The following ITGAE variants were observed in gnomAD, a reference collection of about 807,000 sequenced individuals.
The protein encoded by ITGAE is integrin alpha-E.
In ITGAE, 99 loss-of-function variants were observed where a neutral mutation model predicts 136.5. The ratio of observed to expected loss-of-function variants is 0.73; its 90% CI spans 0.62 to 0.86. The LOEUF is 0.86. Among genes scored for constraint, ITGAE ranks in the 40% least tolerant of loss-of-function variants. The probability of loss-of-function intolerance (pLI) is 0.00; values close to 1 mark genes in which losing one functional copy is unlikely to be tolerated. For missense variants in ITGAE, 1,447 were observed against 1,515.3 expected, an observed-to-expected ratio of 0.95 and a Z score of 0.75; for synonymous variants, 613 against 591.8, an observed-to-expected ratio of 1.04 and a Z score of -0.52.
chr17:3,799,462 A>G lies in ITGAE; in HGVS notation c.34+1649T>C, dbSNP rs1023505282. ...ACCTGCTGGAAAAGGCACTGAGGTGATGGGTGGTGGTCTCAGAGGCTAAAG... is the reference window on the plus strand; with the variant it reads ...ACCTGCTGGAAAAGGCACTGAGGTGGTGGGTGGTGGTCTCAGAGGCTAAAG... On this transcript the variant is annotated intron_variant, in intron 1 of 30. Transcript: ENST00000263087. This position sits in a 1 kb window ranked among gnomAD's most constrained non-coding sequence, Gnocchi z 4.1. Among the ~76,000 whole-genome samples, 13 of 152,118 alleles carry G rather than the reference A, an allele frequency of 8.5e-5. No homozygotes were observed. The highest frequency in any genetic ancestry group is 2.9e-4 in the African/African-American group (12 of 41,422).
In ITGAE at chr17:3,796,192, T is replaced by G. The variant is rs541410419; in HGVS notation, c.34+4919A>C. On this transcript the variant is annotated intron_variant, in intron 1 of 30. Coordinates refer to ENST00000263087, the MANE Select transcript of ITGAE (RefSeq NM_002208.5). The stretch of plus-strand genomic sequence containing the variant: ...ATCCGTGTGTGTGTGTGTGTGTGTG[T>G]GGTGGGGTAGTTCGCTGTATTTGCT... 4.6e-4 allele frequency among the ~76,000 whole-genome samples: 68 copies of G among 148,682 alleles called. No homozygotes were observed. The Middle Eastern group carries it at 0.017, about 37-fold the overall frequency.
chr17:3,727,626 G>C (rs992224487), intron 26 of ITGAE, among the ~76,000 whole-genome samples: 9 of 151,792 alleles, frequency 5.9e-5, no homozygotes, highest in African/African-American at 1.9e-4. Flanking sequence ...GTCTCGATCT[G>C]CTGACCTTGT....
chr17:3,749,570 G>A (rs961808595), intron 16 of ITGAE, among the ~76,000 whole-genome samples: 2 of 152,150 alleles, frequency 1.3e-5, no homozygotes, highest in African/African-American at 2.4e-5. Context: ...GTTTTTAGAC[G>A]TGTTCACTTC....
chr17:3,801,113 G>A lies in ITGAE; in HGVS notation c.32C>T (p.Ala11Val). The A allele has an allele frequency of 2.5e-6, 4 of 1,612,812 alleles. No individual in the cohort carries two copies. The highest frequency in any genetic ancestry group is 2.5e-6 in the Non-Finnish European group (3 of 1,180,018). ...AAGCAGCGGGTGAGAGGACTTACTG[G>A]CTATGCAGAGCAGAGTGTGGAAGAG... The part of the protein sequence containing the change: MWLFHTLLCI[A>V]SLALLAAFNV... Residue 11 changes from alanine (A) to valine (V), a missense_variant and splice_region_variant, in exon 1 of 31, where the codon GCC (alanine) becomes GTC (valine). Ala to Val is a moderately conservative substitution (Grantham distance 64). Transcript: ENST00000263087.
intron 20 of ITGAE, among the ~76,000 whole-genome samples, chr17:3,735,370 T>C (rs1344808467): frequency 2.6e-5 from 4 of 152,202 alleles, no homozygotes; most frequent in Non-Finnish European, 5.9e-5. Context: ...TTTCTCCACG[T>C]TGGTCAGGCT....
chr17:3,786,530 G>A (rs148684682), intron 1 of ITGAE, among the ~76,000 whole-genome samples: 6 of 152,166 alleles, frequency 3.9e-5, no homozygotes, highest in Admixed American at 6.5e-5. Context: ...TGAAACAACC[G>A]TCTCTCTCGA....
chr17:3,720,402 A>G lies in ITGAE; in HGVS notation c.3238T>C (p.Leu1080=). 4.3e-6 allele frequency: 6 copies of G among 1,393,570 alleles called. No individual in the cohort carries two copies. Among genetic ancestry groups the G allele is most frequent in the South Asian group, 2.3e-5 (2 of 86,496 alleles). 86.3% of individuals were successfully genotyped at this position (1,393,570 alleles called of 1,614,324 possible). Reference sequence around the variant, plus strand: ...TGCAGTTCAGTTACATCTTTTAGTAACTAGAAGATGGGGAAAGGAATGAGG... The same window carrying G: ...TGCAGTTCAGTTACATCTTTTAGTAGCTAGAAGATGGGGAAAGGAATGAGG... The part of the protein sequence containing the change: ...AEISWDHSEE[L]LKDVTELQIL... Residue 1080 remains leucine (L), a splice_region_variant and synonymous_variant, in exon 29 of 31, where the codon TTA becomes CTA. Transcript: ENST00000263087.
chr17:3,757,930 T>TAAAG, intron 8 of ITGAE, 71 bp from the exon 9 acceptor site: 1 of 1,525,858 alleles, frequency 6.6e-7, no homozygotes, highest in African/African-American at 1.4e-5. Flanking sequence ...AGAGACTTTA[T>TAAAG]TCTCTGACCT....
chr17:3,735,645 G>A (rs79811707), intron 20 of ITGAE, among the ~76,000 whole-genome samples: 4,443 of 152,250 alleles, frequency 0.029, 97 homozygotes, highest in Non-Finnish European at 0.046. Flanking sequence ...TCTTAGATAA[G>A]TTGCCTAAGG....
chr17:3,780,171 GTTTTTTTT>G (rs34188634), intron 1 of ITGAE, among the ~76,000 whole-genome samples: 2 of 120,530 alleles, frequency 1.7e-5, no homozygotes, highest in African/African-American at 6.1e-5. Flanking sequence ...TTGTTTATTT[GTTTTTTTT>G]TTTTTTTTGG....
At chr17:3,795,992 TGTGTGCATCC>T (rs1411885552) in intron 1 of ITGAE, among the ~76,000 whole-genome samples, 49 of 148,926 alleles carry the variant, frequency 3.3e-4, no homozygotes, top group Non-Finnish European at 4.5e-4. Context: ...TGTGCATCTG[TGTGTGCATCC>T]GTGTGTGCAT....
At chr17:3,744,525 C>T (rs1011558286) in intron 18 of ITGAE, among the ~76,000 whole-genome samples, 2 of 150,776 alleles carry the variant, frequency 1.3e-5, no homozygotes, top group African/African-American at 4.9e-5. Context: ...TGGCTCTCTG[C>T]AACCTCTGCC....
At chr17:3,785,016 G>A (rs1156579975) in intron 1 of ITGAE, among the ~76,000 whole-genome samples, 2 of 152,058 alleles carry the variant, frequency 1.3e-5, no homozygotes, top group Admixed American at 1.3e-4. Context: ...GCCAGGAATG[G>A]TGGCATGCAC....
chr17:3,726,423 ACT>A (rs1164198793), intron 26 of ITGAE: 15 of 820,896 alleles, frequency 1.8e-5, no homozygotes, highest in Non-Finnish European at 2.9e-5. Context: ...GGAGGGTGGA[ACT>A]CCCATTCTCA....
intron 19 of ITGAE, 67 bp downstream of exon 19, chr17:3,743,422 G>T: frequency 6.7e-7 from 1 of 1,491,704 alleles, no homozygotes; most frequent in South Asian, 1.4e-5. Context: ...TTGGAAGTTA[G>T]GGGAGCAGGT....
chr17:3,716,170 CAA>C (rs67665157), intron 30 of ITGAE, among the ~76,000 whole-genome samples: 17 of 137,098 alleles, frequency 1.2e-4, no homozygotes, highest in Admixed American at 1.5e-4. Context: ...AACTCCGTCT[CAA>C]AAAAAAAAAA....
At chr17:3,735,862 G>A (rs1772872647) in intron 20 of ITGAE, among the ~76,000 whole-genome samples, 1 of 152,182 alleles carries the variant, frequency 6.6e-6, no homozygotes, top group African/African-American at 2.4e-5. Context: ...AGAGGAAACA[G>A]AAGCCAAGAC....
intron 12 of ITGAE, chr17:3,754,499 CAG>C (rs1181985713): frequency 6.5e-6 from 1 of 153,388 alleles, no homozygotes; most frequent in African/African-American, 2.4e-5. Context: ...CTCCAGACCT[CAG>C]ATGATCCGCC....
At chr17:3,751,482 G>A (rs2051864877) in intron 15 of ITGAE, among the ~76,000 whole-genome samples, 168 bp downstream of exon 15, 1 of 151,802 alleles carries the variant, frequency 6.6e-6, no homozygotes, top group Non-Finnish European at 1.5e-5. Context: ...GTGAGGCCCT[G>A]GTCTGGAAGC....
Sources: allele counts gnomAD v4.1 joint callset (sites outside exome capture counted in the v4.1 genomes callset), GRCh38; gene constraint gnomAD v4.1.1; non-coding constraint Gnocchi (gnomAD v3.1); transcripts MANE v1.5; gene names NCBI Gene and HGNC (gene_info 2026-07-23, HGNC 2026-07-21).